Variants in MGAT5B observed in about 807,000 individuals in gnomAD.
MGAT5B encodes the protein alpha-1,6-mannosylglycoprotein 6-beta-N-acetylglucosaminyltransferase B, also known as N-acetylglucosaminyl-transferase Vb.
A neutral mutation model predicts 95.1 loss-of-function variants in MGAT5B; 54 were observed. That is an observed-to-expected ratio of 0.57 (90% CI 0.46 to 0.71). MGAT5B has a LOEUF of 0.71. Ranked by LOEUF, MGAT5B falls within the 30% of genes least tolerant of loss-of-function variation. MGAT5B has a pLI of 0.00. For synonymous variants in MGAT5B, 464 were observed against 451.0 expected, an observed-to-expected ratio of 1.03 and a Z score of -0.36; for missense variants, 935 against 1,088.6, an observed-to-expected ratio of 0.86 and a Z score of 1.99.
rs8081793 is a variant in MGAT5B at position 76,940,494 on chromosome 17, G to T, written c.1677G>T (p.Pro559=). 2 of 1,613,374 alleles carry T rather than the reference G, an allele frequency of 1.2e-6. No individual in the cohort carries two copies. The highest frequency in any genetic ancestry group is 1.7e-6 in the Non-Finnish European group (2 of 1,179,724). ...TCTTCCTGCAGTCCCGCTTCAGCCC[G>T]CCCCACAGCTCCCTCAACCACGAGT... is the stretch of plus-strand genomic sequence containing the variant. ...GCIFLQSRFS[P]PHSSLNHEFF... The change falls in exon 14 of 18, where the codon CCG becomes CCT. Residue 559 remains proline, a synonymous_variant. Coordinates refer to ENST00000569840, the MANE Select transcript of MGAT5B (RefSeq NM_001199172.2). The surrounding 1 kb of genome is among the most constrained non-coding windows in gnomAD (Gnocchi z 4.3).
intron 3 of MGAT5B, among the ~76,000 whole-genome samples, chr17:76,902,122 G>C (rs547862060): frequency 1.3e-4 from 20 of 152,096 alleles, no homozygotes; most frequent in African/African-American, 4.8e-4. Context: ...GCATATGTGG[G>C]GACATGTGCA....
Position 76,868,795 on chromosome 17 carries a change from G to A in MGAT5B, c.-235G>A. On this transcript the variant is annotated 5_prime_UTR_variant, in exon 1 of 18. Coordinates refer to ENST00000569840, the MANE Select transcript of MGAT5B (RefSeq NM_001199172.2). The surrounding 1 kb of genome is among the most constrained non-coding windows in gnomAD (Gnocchi z 6.3). ...GGTCCCCAAAATGTGAAGCGGGGAG[G>A]GCGGAGACGCAGAGACGGCCCGGCC... The A allele has an allele frequency of 3.5e-6, 1 of 284,942 alleles. No individual in the cohort carries two copies. Among genetic ancestry groups the A allele is most frequent in the Non-Finnish European group, 6.5e-6 (1 of 154,594 alleles). The allele number at this position is 284,942 out of a possible 1,614,324, so 17.7% of individuals were successfully genotyped here. A position where few individuals can be genotyped will look rare whatever the true frequency, so the allele number is the denominator to read the frequency against.
chr17:76,897,437 C>G (rs1968104396), intron 3 of MGAT5B, among the ~76,000 whole-genome samples: 1 of 152,212 alleles, frequency 6.6e-6, no homozygotes, highest in African/African-American at 2.4e-5. Context: ...CTCCCTGCCC[C>G]TTCCTGGCTG....
intron 3 of MGAT5B, among the ~76,000 whole-genome samples, chr17:76,896,056 C>A (rs923142652): frequency 6.6e-6 from 1 of 152,114 alleles, no homozygotes; most frequent in African/African-American, 2.4e-5. Flanking sequence ...CACACGGTGA[C>A]AACACCAAGG....
rs1969240759 is a variant in MGAT5B, at chr17:76,924,687, T to C, written c.1026-279T>C. Among the ~76,000 whole-genome samples the C allele has an allele frequency of 2.0e-5, 3 of 152,322 alleles. No homozygotes were observed. In the South Asian group the frequency reaches 6.2e-4, roughly 32 times the overall value. ...AGCCACAGCCCTGCGGGAGCACATT[T>C]GTGTCGATGACAAAAGGTGCCCCTT... On this transcript the variant is annotated intron_variant, in intron 8 of 17. Coordinates refer to ENST00000569840, the MANE Select transcript of MGAT5B (RefSeq NM_001199172.2).
chr17:76,907,549 C>T (rs973403416), intron 8 of MGAT5B, among the ~76,000 whole-genome samples: 1 of 152,196 alleles, frequency 6.6e-6, no homozygotes, highest in Non-Finnish European at 1.5e-5. Flanking sequence ...TTATTTCATT[C>T]ATTTTCACTG....
chr17:76,925,768 C>A (rs899902958), intron 9 of MGAT5B, among the ~76,000 whole-genome samples: 20 of 152,330 alleles, frequency 1.3e-4, no homozygotes, highest in Admixed American at 1.3e-3. Flanking sequence ...CAGCACTCTG[C>A]AGACAATTCT....
rs887047517 is a variant in MGAT5B at position 76,868,803 on chromosome 17, C to G, written c.-227C>G. 1 of 295,526 alleles carries G rather than the reference C, an allele frequency of 3.4e-6. No individual in the cohort carries two copies. The allele number at this position is 295,526 out of a possible 1,614,324, so 18.3% of individuals were successfully genotyped here. A position where few individuals can be genotyped will look rare whatever the true frequency, so the allele number is the denominator to read the frequency against. On this transcript the variant is annotated 5_prime_UTR_variant, in exon 1 of 18. Transcript: ENST00000569840. This position sits in a 1 kb window ranked among gnomAD's most constrained non-coding sequence, Gnocchi z 6.3. ...AAATGTGAAGCGGGGAGGGCGGAGA[C>G]GCAGAGACGGCCCGGCCGGGCGCCC...
At chr17:76,942,480 T>G (rs1969891328) in intron 15 of MGAT5B, among the ~76,000 whole-genome samples, 1 of 151,866 alleles carries the variant, frequency 6.6e-6, no homozygotes, top group Non-Finnish European at 1.5e-5. Context: ...TGAGCCGAGA[T>G]CATGCCACTG....
At chr17:76,878,667 G>T (rs1967287754) in intron 2 of MGAT5B, among the ~76,000 whole-genome samples, 1 of 152,072 alleles carries the variant, frequency 6.6e-6, no homozygotes, top group Admixed American at 6.5e-5. Context: ...TTGAAAAGGG[G>T]TTTTGCCATG....
chr17:76,902,357 G>A (rs945880539), intron 3 of MGAT5B, among the ~76,000 whole-genome samples, 198 bp from the exon 4 acceptor site: 2 of 152,218 alleles, frequency 1.3e-5, no homozygotes, highest in African/African-American at 4.8e-5. Flanking sequence ...TGTAATGTGT[G>A]TACTGGATGG....
In MGAT5B at chr17:76,900,996, TGGG is replaced by T. The variant is rs541018082; in HGVS notation, c.330-1555_330-1553del. On this transcript the variant is annotated intron_variant, in intron 3 of 17. Transcript: ENST00000569840. ...GCATGTGTGTGTGCATGTGTGTACA[TGGG>T]GGGCTTGTTCCCCATTCCTGTCATC... 4.9e-3 allele frequency among the ~76,000 whole-genome samples: 746 copies of T among 152,324 alleles called. 3 individuals carry two copies. The highest frequency in any genetic ancestry group is 8.5e-3 in the Non-Finnish European group (581 of 68,024).
chr17:76,948,102 C>T lies in MGAT5B; in HGVS notation c.2180+16C>T, dbSNP rs1418592652. 1.9e-6 allele frequency: 3 copies of T among 1,559,562 alleles called. No individual in the cohort carries two copies. Among genetic ancestry groups the T allele is most frequent in the Admixed American group, 3.6e-5 (2 of 55,160 alleles). On this transcript the variant is annotated intron_variant, in intron 17 of 17. Coordinates refer to ENST00000569840, the MANE Select transcript of MGAT5B (RefSeq NM_001199172.2). ...CCTTCCTCAAGTGAGTGTTCCCCCA[C>T]CCTCCCCACCCAGCCGCTATCATCG...
intron 3 of MGAT5B, among the ~76,000 whole-genome samples, chr17:76,895,172 GTGAGGGATCA>G (rs1968021723): frequency 6.6e-6 from 1 of 152,124 alleles, no homozygotes; most frequent in Admixed American, 6.6e-5. Context: ...AACTGCACAT[GTGAGGGATCA>G]AGGTTGCCTT....
Position 76,869,243 on chromosome 17 carries a change from G to C in MGAT5B, c.68+146G>C. The stretch of plus-strand genomic sequence containing the variant: ...GGTGATGACCAGTGGGGCTGGGCTG[G>C]GGGAACGGATGGCGTTGGGGTTCGG... On this transcript the variant is annotated intron_variant, in intron 1 of 17. Coordinates refer to ENST00000569840, the MANE Select transcript of MGAT5B (RefSeq NM_001199172.2). This position sits in a 1 kb window ranked among gnomAD's most constrained non-coding sequence, Gnocchi z 7.0. 1.4e-6 allele frequency: 1 copy of C among 725,884 alleles called. No homozygotes were observed. The allele number at this position is 725,884 out of a possible 1,614,324, so 45.0% of individuals were successfully genotyped here.
At chr17:76,893,293 A>G (rs1214851960) in intron 3 of MGAT5B, among the ~76,000 whole-genome samples, 1 of 152,080 alleles carries the variant, frequency 6.6e-6, no homozygotes, top group African/African-American at 2.4e-5. Flanking sequence ...AGAGCCCAGC[A>G]CCGAGCAGGC....
intron 15 of MGAT5B, among the ~76,000 whole-genome samples, chr17:76,944,800 G>T (rs2145287667): frequency 6.6e-6 from 1 of 152,378 alleles, no homozygotes; most frequent in South Asian, 2.1e-4. Flanking sequence ...AGTCTCCTAA[G>T]AAGTGGGGTA....
At chr17:76,904,110 C>T in intron 5 of MGAT5B, 142 bp from the exon 6 acceptor site, 2 of 822,502 alleles carry the variant, frequency 2.4e-6, no homozygotes, top group East Asian at 2.7e-5. Context: ...CTCTTCTCTG[C>T]CCTGTCCCCT....
Position 76,905,955 on chromosome 17 carries a change from C to CG in MGAT5B, c.856-56dup, listed in dbSNP as rs935820462. 8.3e-5 allele frequency: 124 copies of CG among 1,494,570 alleles called. No homozygotes were observed. Among genetic ancestry groups the CG allele is most frequent in the East Asian group, 2.0e-4 (8 of 39,436 alleles). The allele number at this position is 1,494,570 out of a possible 1,614,324, so 92.6% of individuals were successfully genotyped here. ...CCGGCTGGTCTCCTGGCCGGTGCCC[C>CG]GGGGGGGCGGGGCTCAGAGCTGCTG... On this transcript the variant is annotated intron_variant, in intron 7 of 17. Transcript: ENST00000569840. The surrounding 1 kb of genome is among the most constrained non-coding windows in gnomAD (Gnocchi z 4.2).
Sources: gnomAD v4.1 joint callset for allele counts (sites outside exome capture counted in the v4.1 genomes callset) on GRCh38, gnomAD v4.1.1 for gene constraint, Gnocchi (gnomAD v3.1) non-coding constraint, MANE v1.5 for transcripts, NCBI Gene and HGNC (gene_info 2026-07-23, HGNC 2026-07-21) for gene names.